The following TRIM5 variants were observed in gnomAD, a reference collection of about 807,000 sequenced individuals.
TRIM5 encodes the protein tripartite motif-containing protein 5.
In TRIM5, 31 loss-of-function variants were observed where a neutral mutation model predicts 35.6. That is an observed-to-expected ratio of 0.87 (90% CI 0.65 to 1.18). The LOEUF (loss-of-function observed/expected upper bound fraction) is 1.18. Ranked by LOEUF, TRIM5 falls within the 50% of genes most tolerant of loss-of-function variation. TRIM5 has a pLI of 0.00. For missense variants in TRIM5, 609 were observed against 591.6 expected (o/e 1.03, Z -0.31); for synonymous variants, 243 against 215.6 (o/e 1.13, Z -1.11).
chr11:5,609,435 C>G, the TRIM5 span, among the ~76,000 whole-genome samples: 1 of 152,128 alleles, frequency 6.6e-6, no homozygotes, highest in Admixed American at 6.5e-5. Flanking sequence ...AGCAATAGGC[C>G]CCTGGTGTTC....
chr11:5,603,407 A>T, the TRIM5 span: 1 of 1,613,962 alleles, frequency 6.2e-7, no homozygotes, highest in East Asian at 2.2e-5. Context: ...GACTGTGGCC[A>T]CAGCTTCTGC....
intron 7 of TRIM5, 29 bp from the exon 8 acceptor site, chr11:5,665,424 G>A: frequency 6.4e-7 from 1 of 1,566,504 alleles, no homozygotes. Flanking sequence ...GTCAGCTAAG[G>A]GATATAATGT....
chr11:5,604,868 GC>G, the TRIM5 span: 4 of 472,956 alleles, frequency 8.5e-6, no homozygotes, highest in East Asian at 7.5e-5. Context: ...GCTAGGGGTC[GC>G]CCCAATTCAT....
At chr11:5,592,578 A>C in the TRIM5 span, among the ~76,000 whole-genome samples, 1 of 152,108 alleles carries the variant, frequency 6.6e-6, no homozygotes, top group Non-Finnish European at 1.5e-5. Context: ...AGAAAGAACA[A>C]AACAAATTTT....
At chr11:5,661,894 T>C (rs990244783), downstream of TRIM5, among the ~76,000 whole-genome samples, 1 of 152,230 alleles carries the variant, frequency 6.6e-6, no homozygotes, top group Non-Finnish European at 1.5e-5. Context: ...CAGGTCTTTA[T>C]TGTTGTGTAA....
chr11:5,680,595 A>C (rs368788808), intron 1 of TRIM5, among the ~76,000 whole-genome samples: 1 of 152,220 alleles, frequency 6.6e-6, no homozygotes, highest in African/African-American at 2.4e-5. Flanking sequence ...CTCAGTATTA[A>C]AATCACCAAA....
At chr11:5,596,812 A>T in the TRIM5 span, 2 of 1,606,848 alleles carry the variant, frequency 1.2e-6, no homozygotes, top group Admixed American at 1.7e-5. Flanking sequence ...CCTTAAGATT[A>T]GTTTAAGGTG....
rs1850901896 is a variant in TRIM5 at position 5,663,375 on chromosome 11, A to G, written c.*1434T>C. 1.0e-6 allele frequency: 1 copy of G among 966,962 alleles called. No homozygotes were observed. The highest frequency in any genetic ancestry group is 1.2e-6 in the Non-Finnish European group (1 of 813,098). 59.9% of individuals were successfully genotyped at this position (966,962 alleles called of 1,614,324 possible). A position where few individuals can be genotyped will look rare whatever the true frequency, so the allele number is the denominator to read the frequency against. Reference sequence around the variant, plus strand: ...AATAAAATCCTAAATATATGTGTGTATTATATATAGAAGGCAGAATTGAAG... The same window carrying G: ...AATAAAATCCTAAATATATGTGTGTGTTATATATAGAAGGCAGAATTGAAG... On this transcript the variant is annotated 3_prime_UTR_variant, in exon 8 of 8. Coordinates refer to ENST00000380034, the MANE Select transcript of TRIM5 (RefSeq NM_033034.3).
chr11:5,591,641 C>T, the TRIM5 span, among the ~76,000 whole-genome samples: 2 of 150,626 alleles, frequency 1.3e-5, no homozygotes, highest in African/African-American at 4.9e-5. Context: ...AGGGCAAAAA[C>T]TCCGCCTCAA....
At chr11:5,656,949 T>C in the TRIM5 span, among the ~76,000 whole-genome samples, 2 of 152,174 alleles carry the variant, frequency 1.3e-5, no homozygotes, top group Non-Finnish European at 2.9e-5. Flanking sequence ...GACACAGTAA[T>C]CCCATTACTG....
chr11:5,627,176 G>A, the TRIM5 span, among the ~76,000 whole-genome samples: 6,641 of 152,174 alleles, frequency 0.044, 247 homozygotes, highest in East Asian at 0.17. Flanking sequence ...TGGATCATGA[G>A]TTTGAGACCA....
At chr11:5,626,065 C>A in the TRIM5 span, among the ~76,000 whole-genome samples, 2 of 152,158 alleles carry the variant, frequency 1.3e-5, no homozygotes, top group Non-Finnish European at 2.9e-5. Context: ...CTGCTCTCAC[C>A]CTTCAGAGTT....
chr11:5,633,098 A>C, the TRIM5 span, among the ~76,000 whole-genome samples: 114 of 147,472 alleles, frequency 7.7e-4, no homozygotes, highest in Non-Finnish European at 1.5e-3. Context: ...TCGGCCTCCC[A>C]AAGTGCTGGG....
chr11:5,675,916 T>G (rs1182789087), intron 4 of TRIM5, among the ~76,000 whole-genome samples: 1 of 111,026 alleles, frequency 9.0e-6, no homozygotes, highest in Non-Finnish European at 2.0e-5. Context: ...GTGATCTCAT[T>G]GTTCAATTCC....
chr11:5,606,738 G>T, the TRIM5 span, among the ~76,000 whole-genome samples: 1 of 152,108 alleles, frequency 6.6e-6, no homozygotes, highest in Non-Finnish European at 1.5e-5. Context: ...AAATGCAAAT[G>T]AATCGTCAAT....
the TRIM5 span, chr11:5,596,710 C>A: frequency 3.6e-6 from 3 of 837,542 alleles, no homozygotes; most frequent in African/African-American, 5.2e-5. Context: ...CAAAGGCTGG[C>A]GGAGGAGGGA....
chr11:5,682,622 C>A (rs148755995), intron 1 of TRIM5, among the ~76,000 whole-genome samples: 11 of 152,334 alleles, frequency 7.2e-5, no homozygotes, highest in South Asian at 6.2e-4. Flanking sequence ...GGAAATTAGA[C>A]CCCCGAACCA....
At chr11:5,658,236 G>A (rs111362107), downstream of TRIM5, among the ~76,000 whole-genome samples, 674 of 152,348 alleles carry the variant, frequency 4.4e-3, 3 homozygotes, top group African/African-American at 0.015. Flanking sequence ...CATGCTGGAA[G>A]GCCAGCGACC....
chr11:5,604,382 T>C, the TRIM5 span: 2 of 754,976 alleles, frequency 2.6e-6, no homozygotes, highest in Admixed American at 2.9e-5. Context: ...CATGTATATA[T>C]ATAAAAGATT....
Sources: gnomAD v4.1 joint callset for allele counts (sites outside exome capture counted in the v4.1 genomes callset) on GRCh38, gnomAD v4.1.1 for gene constraint, MANE v1.5 for transcripts, NCBI Gene and HGNC (gene_info 2026-07-23, HGNC 2026-07-21) for gene names.